The following TRNT1 variants were observed in gnomAD, a reference collection of about 807,000 sequenced individuals.
TRNT1 encodes the protein tRNA nucleotidyl transferase 1.
In TRNT1, 44 loss-of-function variants were observed where a neutral mutation model predicts 45.6. The ratio of observed to expected loss-of-function variants is 0.97; its 90% confidence interval spans 0.76 to 1.24. The LOEUF (loss-of-function observed/expected upper bound fraction) is 1.24, where lower values mean the gene tolerates loss of function less well. TRNT1 is among the 50% of genes most tolerant of loss of function. TRNT1 has a pLI of 0.00. For synonymous variants in TRNT1, 201 were observed against 171.4 expected, an observed-to-expected ratio of 1.17 and a Z score of -1.35; for missense variants, 633 against 504.4, an observed-to-expected ratio of 1.25 and a Z score of -2.44.
rs1282965525 is a variant in TRNT1 at position 3,146,461 on chromosome 3, G to A, written c.640G>A (p.Asp214Asn). ...TGGGAGAATTGTAGACAAACCTGGT[G>A]ACCATGATCCTGAGACTTTGGAAGC... ...FYGRIVDKPG[D>N]HDPETLEAIA... is the part of the protein sequence containing the mutation. Residue 214 changes from aspartate to asparagine, a missense_variant, in exon 6 of 8, where the codon GAC becomes AAC. Asp to Asn is a conservative substitution (Grantham distance 23). Transcript: ENST00000251607. 6.2e-7 allele frequency: 1 copy of A among 1,613,136 alleles called. No homozygotes were observed. The highest frequency in any genetic ancestry group is 8.5e-7 in the Non-Finnish European group (1 of 1,179,722).
chr3:3,128,899 A>C (rs1301851203), intron 1 of TRNT1, 115 bp from the exon 2 acceptor site: 5 of 819,982 alleles, frequency 6.1e-6, no homozygotes, highest in Admixed American at 2.5e-5. Context: ...CAGTTTTTTC[A>C]TCTGAACAAG....
intron 6 of TRNT1, 37 bp from the exon 7 acceptor site, chr3:3,147,413 C>T: frequency 1.9e-6 from 3 of 1,603,716 alleles, no homozygotes; most frequent in Non-Finnish European, 2.6e-6. Context: ...TTTTTATCCC[C>T]ACTAAAAACA....
rs1006778318 is a variant in TRNT1, at chr3:3,148,011, G to A, written c.1162G>A (p.Val388Ile). The A allele has an allele frequency of 3.1e-6, 5 of 1,613,878 alleles. No homozygotes were observed. The African/African-American group carries it at 5.3e-5, about 17-fold the overall frequency. ...MQQWSIPPFP[V>I]SGHDIRKVGI... ...GCAGTGGTCCATTCCTCCATTTCCTGTAAGTGGCCATGACATCAGAAAAGT... is the reference window on the plus strand; with the variant it reads ...GCAGTGGTCCATTCCTCCATTTCCTATAAGTGGCCATGACATCAGAAAAGT... The change falls in exon 8 of 8, where the codon GTA (valine) becomes ATA (isoleucine). Residue 388 changes from valine to isoleucine, a missense_variant. Transcript: ENST00000251607.
chr3:3,150,815 T>A, downstream of TRNT1: 1 of 1,559,490 alleles, frequency 6.4e-7, no homozygotes, highest in African/African-American at 1.4e-5. Flanking sequence ...CCAAAGCAGA[T>A]CTTAGAATAT....
At chr3:3,139,734 T>C (rs2126021565) in intron 3 of TRNT1, among the ~76,000 whole-genome samples, 1 of 152,290 alleles carries the variant, frequency 6.6e-6, no homozygotes, top group South Asian at 2.1e-4. Flanking sequence ...TTAATTTCTT[T>C]CTTTCTCTTT....
At chr3:3,128,598 C>CAAAAAAAAAA (rs111647168) in intron 1 of TRNT1, among the ~76,000 whole-genome samples, 2 of 96,084 alleles carry the variant, frequency 2.1e-5, no homozygotes, top group East Asian at 4.8e-4. Context: ...GACTCCATCT[C>CAAAAAAAAAA]AAAAAAAAAA....
At chr3:3,152,365 A>T (rs1706626420), downstream of TRNT1, 1 of 1,338,972 alleles carries the variant, frequency 7.5e-7, no homozygotes. Flanking sequence ...TTTATTATAA[A>T]GATTGTGGCA....
chr3:3,147,774 A>G, intron 7 of TRNT1, 71 bp downstream of exon 7: 1 of 1,528,400 alleles, frequency 6.5e-7, no homozygotes, highest in South Asian at 1.3e-5. Context: ...TATTAAAACT[A>G]AGATCTACAA....
chr3:3,142,346 TCTC>T (rs1393233984), intron 4 of TRNT1, among the ~76,000 whole-genome samples: 5 of 152,202 alleles, frequency 3.3e-5, no homozygotes, highest in East Asian at 3.8e-4. Context: ...GTAAATTTAA[TCTC>T]CTGACAACCC....
intron 4 of TRNT1, among the ~76,000 whole-genome samples, chr3:3,141,411 T>C (rs1705645238): frequency 6.6e-6 from 1 of 152,222 alleles, no homozygotes; most frequent in South Asian, 2.1e-4. Context: ...TCAATCTTTC[T>C]TCTGCTTCCC....
Position 3,148,817 on chromosome 3 carries a change from T to C in TRNT1, c.*663T>C, listed in dbSNP as rs188468103. 25 of 134,048 alleles carry C rather than the reference T, an allele frequency of 1.9e-4. No homozygotes were observed. In the East Asian group the frequency reaches 4.2e-3, roughly 23 times the overall value. The allele number at this position is 134,048 out of a possible 1,614,324, so 8.3% of individuals were successfully genotyped here. ...CACTATTGAGCCTATTAATTAATTA[T>C]TGTTTTAATAAAACAAACATTGGTA... On this transcript the variant is annotated 3_prime_UTR_variant, in exon 8 of 8. Transcript: ENST00000251607.
downstream of TRNT1, chr3:3,150,638 A>C: frequency 2.1e-6 from 1 of 470,694 alleles, no homozygotes; most frequent in Non-Finnish European, 3.9e-6. Context: ...AAGCTACCCA[A>C]GTAGATGTTT....
intron 1 of TRNT1, chr3:3,127,357 GA>G (rs1400546678): frequency 1.3e-5 from 2 of 152,298 alleles, no homozygotes; most frequent in African/African-American, 4.8e-5. Flanking sequence ...GAGGTGCGAG[GA>G]AACTGAGTGG....
chr3:3,153,296 C>A (rs1235619083), downstream of TRNT1: 2 of 640,718 alleles, frequency 3.1e-6, no homozygotes, highest in Non-Finnish European at 5.7e-6. Context: ...TGAGCTAATT[C>A]CCTATATTTC....
At chr3:3,136,504 T>A (rs931055878) in intron 2 of TRNT1, among the ~76,000 whole-genome samples, 1 of 152,206 alleles carries the variant, frequency 6.6e-6, no homozygotes, top group Non-Finnish European at 1.5e-5. Flanking sequence ...TCATAAGTGG[T>A]ATAGACTAAT....
chr3:3,140,814 G>A, intron 4 of TRNT1, 166 bp downstream of exon 4: 2 of 816,378 alleles, frequency 2.4e-6, no homozygotes, highest in South Asian at 3.7e-5. Context: ...CGGGCACGGT[G>A]GGTCACGCCT....
At chr3:3,146,389 C>A in intron 5 of TRNT1, 41 bp from the exon 6 acceptor site, 3 of 1,494,804 alleles carry the variant, frequency 2.0e-6, no homozygotes, top group South Asian at 1.2e-5. Context: ...TTGTGATATG[C>A]CAATATAGAG....
intron 4 of TRNT1, among the ~76,000 whole-genome samples, chr3:3,143,845 G>C (rs1295015940): frequency 6.6e-6 from 1 of 152,212 alleles, no homozygotes; most frequent in East Asian, 1.9e-4. Context: ...GTGACAAAGT[G>C]AGAATCCGCC....
downstream of TRNT1, chr3:3,149,371 T>C (rs1251940021): frequency 6.6e-6 from 1 of 152,168 alleles, no homozygotes; most frequent in African/African-American, 2.4e-5. Flanking sequence ...GATTTAGCTA[T>C]CAGGTCTGGT....
Sources: allele counts gnomAD v4.1 joint callset (sites outside exome capture counted in the v4.1 genomes callset), GRCh38; gene constraint gnomAD v4.1.1; transcripts MANE v1.5; gene names NCBI Gene and HGNC (gene_info 2026-07-23, HGNC 2026-07-21).